Variants in CEP162 observed in about 807,000 individuals in gnomAD.
The protein encoded by CEP162 is centrosomal protein of 162 kDa.
A neutral mutation model predicts 169.2 loss-of-function variants in CEP162; 141 were observed. The observed-to-expected ratio is 0.83, with a 90% confidence interval of 0.73 to 0.96. The LOEUF (loss-of-function observed/expected upper bound fraction) is 0.96, where lower values mean the gene tolerates loss of function less well. Among genes scored for constraint, CEP162 ranks in the 40% least tolerant of loss-of-function variants. The probability of loss-of-function intolerance (pLI) is 0.00; values close to 1 mark genes in which losing one functional copy is unlikely to be tolerated. For missense variants in CEP162, 1,600 were observed against 1,587.2 expected (o/e 1.01, Z -0.14); for synonymous variants, 540 against 526.4 (o/e 1.03, Z -0.35).
chr6:84,225,809 T>C (rs914753447), intron 2 of CEP162, among the ~76,000 whole-genome samples: 4 of 151,866 alleles, frequency 2.6e-5, no homozygotes, highest in African/African-American at 4.9e-5. Context: ...CTCTCTGAAG[T>C]GGTGATATTT....
intron 13 of CEP162, among the ~76,000 whole-genome samples, chr6:84,182,461 G>A (rs2099535316): frequency 6.6e-6 from 1 of 152,024 alleles, no homozygotes; most frequent in South Asian, 2.1e-4. Flanking sequence ...AACATGGTTG[G>A]TACTGCTAAC....
At chr6:84,149,354 TTAAA>T (rs952242740) in intron 24 of CEP162, among the ~76,000 whole-genome samples, 1 of 150,768 alleles carries the variant, frequency 6.6e-6, no homozygotes, top group Non-Finnish European at 1.5e-5. Flanking sequence ...AGTAGAAAAA[TTAAA>T]TATATAGTAT....
chr6:84,218,784 T>TA (rs936273474), intron 3 of CEP162, among the ~76,000 whole-genome samples: 13 of 152,108 alleles, frequency 8.5e-5, no homozygotes, highest in African/African-American at 2.9e-4. Flanking sequence ...CCATAAGTTG[T>TA]AAAAAATCAA....
intron 9 of CEP162, among the ~76,000 whole-genome samples, chr6:84,196,046 T>C (rs1475768361): frequency 1.3e-5 from 2 of 152,198 alleles, no homozygotes; most frequent in Non-Finnish European, 2.9e-5. Flanking sequence ...ATAGAAACCT[T>C]GATGTCATCA....
At chr6:84,170,870 A>T (rs1588784032) in intron 17 of CEP162, among the ~76,000 whole-genome samples, 1 of 152,146 alleles carries the variant, frequency 6.6e-6, no homozygotes, top group African/African-American at 2.4e-5. Context: ...GTGCTCCATA[A>T]CCCTGCCATG....
At position 84,215,801 on chromosome 6, in the gene CEP162, TAA is replaced by T; in HGVS notation, c.292_293del (p.Leu98LysfsTer3). ...QFLKSSGTSL[L>X]STDSLETNEL... ...CATTTGTTTCTAAGCTATCAGTACTTAAGAGAGAGGTTCCACTGCTCTTAAGA... is the reference window on the plus strand; with the variant it reads ...CATTTGTTTCTAAGCTATCAGTACTTGAGAGAGGTTCCACTGCTCTTAAGA... On this transcript the variant is annotated frameshift_variant, in exon 4 of 27. Coordinates refer to ENST00000403245, the MANE Select transcript of CEP162 (RefSeq NM_014895.4). LOFTEE classifies it high-confidence loss of function. 6.3e-7 allele frequency: 1 copy of T among 1,592,144 alleles called. No homozygotes were observed. Among genetic ancestry groups the T allele is most frequent in the Non-Finnish European group, 8.6e-7 (1 of 1,167,404 alleles).
At chr6:84,163,099 AC>A in intron 19 of CEP162, 44 bp downstream of exon 19, 1 of 1,583,772 alleles carries the variant, frequency 6.3e-7, no homozygotes, top group Non-Finnish European at 8.6e-7. Flanking sequence ...CAACATTAGA[AC>A]AGTTATGATT....
intron 5 of CEP162, among the ~76,000 whole-genome samples, chr6:84,214,265 C>A (rs62449315): frequency 0.038 from 5,749 of 152,228 alleles, 170 homozygotes; most frequent in Admixed American, 0.092. Context: ...GGCGACAGAG[C>A]GAGACTCCGT....
intron 23 of CEP162, 90 bp downstream of exon 23, chr6:84,152,455 A>C: frequency 1.5e-6 from 1 of 678,856 alleles, no homozygotes; most frequent in Non-Finnish European, 2.3e-6. Context: ...TTCGGGGTCA[A>C]ACTAATTATC....
chr6:84,181,009 T>C (rs537751334), intron 13 of CEP162, among the ~76,000 whole-genome samples: 1 of 152,218 alleles, frequency 6.6e-6, no homozygotes, highest in African/African-American at 2.4e-5. Context: ...AAAGTTCATA[T>C]GGAACCAAAA....
At chr6:84,128,077 G>T (rs1258100954) in intron 25 of CEP162, among the ~76,000 whole-genome samples, 4 of 152,142 alleles carry the variant, frequency 2.6e-5, no homozygotes, top group African/African-American at 9.6e-5. Flanking sequence ...TTTTGTCTTT[G>T]TTCACCTCAC....
chr6:84,140,242 C>G (rs1017222291), intron 25 of CEP162, among the ~76,000 whole-genome samples: 10 of 152,010 alleles, frequency 6.6e-5, no homozygotes, highest in Admixed American at 2.0e-4. Context: ...CCATTAGGAG[C>G]CTTTGGCGTT....
chr6:84,170,966 C>T (rs947933093), intron 17 of CEP162, among the ~76,000 whole-genome samples: 8 of 152,178 alleles, frequency 5.3e-5, no homozygotes, highest in African/African-American at 1.7e-4. Flanking sequence ...TACTCCTTTC[C>T]ACAGTACACT....
intron 25 of CEP162, among the ~76,000 whole-genome samples, chr6:84,132,017 GCT>G (rs1274597324): frequency 6.6e-6 from 1 of 152,178 alleles, no homozygotes; most frequent in African/African-American, 2.4e-5. Flanking sequence ...TCCTTCAGGA[GCT>G]CTTGTAAGGC....
At chr6:84,201,417 T>A (rs548346205) in intron 8 of CEP162, among the ~76,000 whole-genome samples, 1 of 152,360 alleles carries the variant, frequency 6.6e-6, no homozygotes, top group Admixed American at 6.5e-5. Context: ...TGTGTGTGTG[T>A]GTATGTATAT....
At chr6:84,136,332 C>T (rs1026685716) in intron 25 of CEP162, among the ~76,000 whole-genome samples, 2 of 152,180 alleles carry the variant, frequency 1.3e-5, no homozygotes, top group African/African-American at 4.8e-5. Context: ...ATGCATGGCA[C>T]TGGCATCTGG....
intron 7 of CEP162, 119 bp downstream of exon 7, chr6:84,203,861 AG>A (rs2099545635): frequency 4.1e-6 from 2 of 482,496 alleles, no homozygotes; most frequent in Non-Finnish European, 7.3e-6. Context: ...GAGACCTGTA[AG>A]TTTACAACAA....
At chr6:84,170,887 G>A (rs1346055478) in intron 17 of CEP162, among the ~76,000 whole-genome samples, 1 of 152,160 alleles carries the variant, frequency 6.6e-6, no homozygotes, top group Non-Finnish European at 1.5e-5. Context: ...CATGATAAAT[G>A]CTGGCTGAAA....
chr6:84,167,181 G>A (rs2099528158), intron 18 of CEP162, among the ~76,000 whole-genome samples: 1 of 151,986 alleles, frequency 6.6e-6, no homozygotes, highest in Non-Finnish European at 1.5e-5. Flanking sequence ...TGCAATTAGG[G>A]CATCTCATAT....
Sources: allele counts gnomAD v4.1 joint callset (sites outside exome capture counted in the v4.1 genomes callset), GRCh38; gene constraint gnomAD v4.1.1; transcripts MANE v1.5; gene names NCBI Gene and HGNC (gene_info 2026-07-23, HGNC 2026-07-21).